LINGO1: variants seen among roughly 807,000 people sequenced by gnomAD.
The protein encoded by LINGO1 is leucine rich repeat and Ig domain containing 1, also known as leucine-rich repeat and immunoglobulin-like domain-containing nogo receptor-interacting protein 1.
A neutral mutation model predicts 37.3 loss-of-function variants in LINGO1; 11 were observed. The observed-to-expected ratio is 0.29, with a 90% CI of 0.19 to 0.49. LINGO1 has a LOEUF of 0.49. Among genes scored for constraint, LINGO1 ranks in the 20% least tolerant of loss-of-function variants. The probability of loss-of-function intolerance (pLI) is 0.99; values close to 1 mark genes in which losing one functional copy is unlikely to be tolerated. For missense variants in LINGO1, 585 were observed against 878.2 expected (o/e 0.67, Z 4.22); for synonymous variants, 387 against 403.0 (o/e 0.96, Z 0.48).
chr15:77,790,043 A>G (rs1464778854), upstream of LINGO1, among the ~76,000 whole-genome samples: 6 of 152,088 alleles, frequency 3.9e-5, no homozygotes, highest in Non-Finnish European at 8.8e-5. Flanking sequence ...AAGTGCTAGG[A>G]TTACAGGCAT....
chr15:77,677,015 T>G (rs535396746), intron 3 of LINGO1: 1 of 152,440 alleles, frequency 6.6e-6, no homozygotes, highest in East Asian at 1.9e-4. Flanking sequence ...TCAGGGGACC[T>G]GGTCCTCACA....
At chr15:77,794,043 C>T (rs540602170) in intron 2 of LINGO1, among the ~76,000 whole-genome samples, 5 of 152,250 alleles carry the variant, frequency 3.3e-5, no homozygotes, top group East Asian at 3.9e-4. Context: ...TGCATCTCCC[C>T]GCCCACTGAG....
intron 3 of LINGO1, among the ~76,000 whole-genome samples, chr15:77,659,172 T>A (rs1394958121): frequency 1.3e-5 from 2 of 152,136 alleles, no homozygotes; most frequent in African/African-American, 4.8e-5. Flanking sequence ...CAGGGCTTGA[T>A]GGGGTTAGAT....
At chr15:77,695,200 CA>C (rs2075669989) in intron 1 of LINGO1, among the ~76,000 whole-genome samples, 1 of 152,104 alleles carries the variant, frequency 6.6e-6, no homozygotes, top group Non-Finnish European at 1.5e-5. Context: ...CGACTGATTC[CA>C]AAGGTCCGGT....
At chr15:77,690,571 T>A (rs935261992) in intron 2 of LINGO1, 8 of 152,086 alleles carry the variant, frequency 5.3e-5, no homozygotes, top group African/African-American at 1.9e-4. Context: ...TGAAATAGGG[T>A]TTGTTTTAGT....
chr15:77,649,392 G>A (rs77756513), intron 3 of LINGO1, among the ~76,000 whole-genome samples: 1 of 152,352 alleles, frequency 6.6e-6, no homozygotes, highest in East Asian at 1.9e-4. Flanking sequence ...CAGTCAGTGG[G>A]AATGCCTGTT....
At chr15:77,618,042 A>G (rs1263817876) in intron 1 of LINGO1, among the ~76,000 whole-genome samples, 1 of 152,192 alleles carries the variant, frequency 6.6e-6, no homozygotes, top group African/African-American at 2.4e-5. Flanking sequence ...CCACCAGAAA[A>G]GCAAACATCC....
intron 3 of LINGO1, among the ~76,000 whole-genome samples, chr15:77,661,979 T>G (rs2075004091): frequency 1.3e-5 from 2 of 152,194 alleles, no homozygotes; most frequent in Non-Finnish European, 2.9e-5. Flanking sequence ...GCACCCACCC[T>G]GCCCGACTCC....
At chr15:77,623,937 GTA>G (rs1484938290) in intron 1 of LINGO1, among the ~76,000 whole-genome samples, 1 of 149,708 alleles carries the variant, frequency 6.7e-6, no homozygotes, top group African/African-American at 2.5e-5. Flanking sequence ...TGTGGACTGT[GTA>G]TGTGTGGTGT....
intron 2 of LINGO1, among the ~76,000 whole-genome samples, chr15:77,701,943 T>C (rs535546231): frequency 1.7e-4 from 25 of 151,212 alleles, no homozygotes; most frequent in African/African-American, 5.8e-4. Context: ...GGGCCAGGAG[T>C]TTGGGGGTGT....
At chr15:77,704,658 G>A (rs773527096) in intron 2 of LINGO1, among the ~76,000 whole-genome samples, 9 of 151,368 alleles carry the variant, frequency 5.9e-5, no homozygotes, top group African/African-American at 2.2e-4. Flanking sequence ...CCTGACCCTG[G>A]TCAGACACTG....
At chr15:77,767,698 C>A (rs1236859543) in intron 1 of LINGO1, among the ~76,000 whole-genome samples, 1 of 152,138 alleles carries the variant, frequency 6.6e-6, no homozygotes, top group African/African-American at 2.4e-5. Context: ...TTGTACTCAA[C>A]TGGGGAAAGT....
At position 77,632,517 on chromosome 15, in the gene LINGO1, C is replaced by A; in HGVS notation, c.-202G>T. 1 of 379,344 alleles carries A rather than the reference C, an allele frequency of 2.6e-6. No homozygotes were observed. The highest frequency in any genetic ancestry group is 5.0e-5 in the East Asian group (1 of 20,144). 23.5% of individuals were successfully genotyped at this position (379,344 alleles called of 1,614,324 possible). A position where few individuals can be genotyped will look rare whatever the true frequency, so the allele number is the denominator to read the frequency against. On this transcript the variant is annotated 5_prime_UTR_variant, in exon 1 of 2. Coordinates refer to ENST00000355300, the MANE Select transcript of LINGO1 (RefSeq NM_032808.7). This position sits in a 1 kb window ranked among gnomAD's most constrained non-coding sequence, Gnocchi z 6.0. ...GGCGGGAGCCGAGCCGGAGCCGGGG[C>A]CGGGGCTCGGGAGTGGGGAGGCGGG...
chr15:77,695,743 G>A (rs1319348971), intron 1 of LINGO1, among the ~76,000 whole-genome samples: 1 of 152,214 alleles, frequency 6.6e-6, no homozygotes, highest in African/African-American at 2.4e-5. Context: ...TGCCCACCAT[G>A]CCGGCCGATC....
chr15:77,717,294 A>G (rs1409989150), intron 2 of LINGO1, among the ~76,000 whole-genome samples: 2 of 150,930 alleles, frequency 1.3e-5, no homozygotes, highest in Non-Finnish European at 3.0e-5. Flanking sequence ...GGCATTAAAA[A>G]TTGAAATCAT....
At chr15:77,686,796 G>C (rs891313925) in intron 2 of LINGO1, among the ~76,000 whole-genome samples, 5 of 152,186 alleles carry the variant, frequency 3.3e-5, no homozygotes, top group African/African-American at 1.2e-4. Flanking sequence ...TCTGAATACA[G>C]AGCCATGTCC....
At chr15:77,637,831 C>T (rs1435266988), upstream of LINGO1, among the ~76,000 whole-genome samples, 3 of 152,224 alleles carry the variant, frequency 2.0e-5, no homozygotes, top group Non-Finnish European at 2.9e-5. The surrounding 1 kb of genome is among the most constrained non-coding windows in gnomAD (Gnocchi z 4.6). Context: ...ACAGCCAGCC[C>T]ACAGCCCTGA....
intron 1 of LINGO1, among the ~76,000 whole-genome samples, chr15:77,798,920 A>G (rs2076894895): frequency 6.7e-6 from 1 of 149,542 alleles, no homozygotes; most frequent in South Asian, 2.1e-4. Flanking sequence ...CACACTCAGC[A>G]AACACTGATC....
chr15:77,759,601 G>A (rs796652612), intron 1 of LINGO1, among the ~76,000 whole-genome samples: 9 of 152,330 alleles, frequency 5.9e-5, no homozygotes, highest in Admixed American at 4.6e-4. Flanking sequence ...CCTTCACCTC[G>A]ATGCCCCTTC....
Sources: allele counts gnomAD v4.1 joint callset (sites outside exome capture counted in the v4.1 genomes callset), GRCh38; gene constraint gnomAD v4.1.1; non-coding constraint Gnocchi (gnomAD v3.1); transcripts MANE v1.5; gene names NCBI Gene and HGNC (gene_info 2026-07-23, HGNC 2026-07-21).